The following PDLIM5 variants were observed in gnomAD, a reference collection of about 807,000 sequenced individuals.
The protein encoded by PDLIM5 is PDZ and LIM domain 5, also known as PDZ and LIM domain protein 5.
In PDLIM5, 34 loss-of-function variants were observed where a neutral mutation model predicts 64.2. The ratio of observed to expected loss-of-function variants is 0.53; its 90% confidence interval spans 0.40 to 0.71. PDLIM5 has a LOEUF of 0.71. Among genes scored for constraint, PDLIM5 ranks in the 30% least tolerant of loss-of-function variants. The pLI is 0.00. For synonymous variants in PDLIM5, 253 were observed against 269.1 expected, an observed-to-expected ratio of 0.94 and a Z score of 0.59; for missense variants, 683 against 733.6, an observed-to-expected ratio of 0.93 and a Z score of 0.80.
intron 7 of PDLIM5, among the ~76,000 whole-genome samples, chr4:94,588,390 C>T (rs546947340): frequency 6.6e-6 from 1 of 152,120 alleles, no homozygotes; most frequent in South Asian, 2.1e-4. Flanking sequence ...ATGGAGAAAC[C>T]CCATCTCTAC....
At chr4:94,627,757 A>G (rs1227895574) in intron 8 of PDLIM5, among the ~76,000 whole-genome samples, 1 of 152,234 alleles carries the variant, frequency 6.6e-6, no homozygotes, top group Non-Finnish European at 1.5e-5. Context: ...CTGGTTTTCA[A>G]ACGCATGAAT....
chr4:94,538,680 C>T (rs1223294682), intron 3 of PDLIM5, among the ~76,000 whole-genome samples: 1 of 152,162 alleles, frequency 6.6e-6, no homozygotes, highest in East Asian at 1.9e-4. Flanking sequence ...AATACCATAA[C>T]TATTAAAGAA....
At chr4:94,603,391 C>T (rs1489926051) in intron 7 of PDLIM5, among the ~76,000 whole-genome samples, 1 of 152,050 alleles carries the variant, frequency 6.6e-6, no homozygotes, top group Admixed American at 6.6e-5. Flanking sequence ...TAAGTTAGTG[C>T]TTATCATAGT....
rs1740902493 is a variant in PDLIM5 at position 94,640,393 on chromosome 4, A to T, written c.1226A>T (p.Glu409Val). 6.2e-7 allele frequency: 1 copy of T among 1,612,474 alleles called. No homozygotes were observed. Residue 409 changes from glutamate to valine, a missense_variant, in exon 9 of 13, where the codon GAG (glutamate) becomes GTG (valine). Transcript: ENST00000317968. ...SDQDTLVQRA[E>V]HIPAGKRTPM... ...CAGGACACTTTAGTGCAAAGAGCTG[A>T]GCACATTCCAGCAGGGAAACGAACT...
chr4:94,456,024 T>A, intron 2 of PDLIM5: 1 of 1,374,790 alleles, frequency 7.3e-7, no homozygotes, highest in East Asian at 2.5e-5. Flanking sequence ...ATAGCACTGA[T>A]GAGAGGAGTA....
At chr4:94,514,216 G>A (rs1002134572) in intron 2 of PDLIM5, among the ~76,000 whole-genome samples, 2 of 148,982 alleles carry the variant, frequency 1.3e-5, no homozygotes, top group African/African-American at 5.0e-5. Context: ...CTCACTGCAA[G>A]CTCTGCCTCC....
intron 2 of PDLIM5, among the ~76,000 whole-genome samples, chr4:94,475,902 A>T (rs1319648255): frequency 6.6e-6 from 1 of 152,196 alleles, no homozygotes; most frequent in Non-Finnish European, 1.5e-5. Context: ...ATTTCAAGAC[A>T]GTGTAAAGTT....
At chr4:94,463,362 A>G (rs190823822) in intron 2 of PDLIM5, among the ~76,000 whole-genome samples, 34 of 152,360 alleles carry the variant, frequency 2.2e-4, no homozygotes, top group African/African-American at 7.7e-4. Context: ...AGCCTTACCC[A>G]TAATATAAAC....
At chr4:94,560,866 A>G (rs1733777152) in intron 3 of PDLIM5, among the ~76,000 whole-genome samples, 1 of 152,074 alleles carries the variant, frequency 6.6e-6, no homozygotes, top group South Asian at 2.1e-4. Flanking sequence ...AGCTGGGACT[A>G]CAGTCGCCCG....
At chr4:94,611,271 C>G (rs954669116) in intron 7 of PDLIM5, 10 of 1,296,148 alleles carry the variant, frequency 7.7e-6, no homozygotes, top group Admixed American at 2.1e-5. Context: ...CACTCCACCA[C>G]TGTATTAACA....
At chr4:94,620,700 G>C (rs1194194507) in intron 8 of PDLIM5, among the ~76,000 whole-genome samples, 1 of 151,784 alleles carries the variant, frequency 6.6e-6, no homozygotes, top group Non-Finnish European at 1.5e-5. Flanking sequence ...ATTATTTTTA[G>C]AAAACGTTAT....
intron 5 of PDLIM5, among the ~76,000 whole-genome samples, chr4:94,583,438 A>C (rs1440300306): frequency 3.9e-5 from 6 of 152,182 alleles, no homozygotes; most frequent in African/African-American, 1.4e-4. Context: ...TTTAAGAGCA[A>C]ACTACACTCA....
chr4:94,642,395 C>A (rs559413063), intron 9 of PDLIM5, among the ~76,000 whole-genome samples: 2 of 152,278 alleles, frequency 1.3e-5, no homozygotes, highest in Admixed American at 1.3e-4. Flanking sequence ...GTAGAAATTA[C>A]ATTTCACCAC....
Position 94,575,884 on chromosome 4 carries a change from C to T in PDLIM5, c.560C>T (p.Ala187Val), listed in dbSNP as rs768789606. Residue 187 changes from alanine (A) to valine (V), a missense_variant, in exon 5 of 13, where the codon GCT (alanine) becomes GTT (valine). By Grantham distance (64) the Ala-to-Val change is moderately conservative (BLOSUM62 0). Transcript: ENST00000317968. ...CTGCATGCTAATGCCAATCTTAGTGCTGACCAGTCTCCATCTGCACTGAGC... is the reference window on the plus strand; with the variant it reads ...CTGCATGCTAATGCCAATCTTAGTGTTGACCAGTCTCCATCTGCACTGAGC... ...SGLHANANLS[A>V]DQSPSALSAG... 1.6e-5 allele frequency: 26 copies of T among 1,614,040 alleles called. No homozygotes were observed. The African/African-American group carries it at 3.1e-4, about 19-fold the overall frequency.
chr4:94,465,361 T>C (rs1724254297), intron 2 of PDLIM5, among the ~76,000 whole-genome samples: 1 of 152,194 alleles, frequency 6.6e-6, no homozygotes, highest in Non-Finnish European at 1.5e-5. Context: ...GATTATTTAA[T>C]TCTCATAACA....
intron 8 of PDLIM5, among the ~76,000 whole-genome samples, chr4:94,621,542 A>G (rs771839643): frequency 3.9e-4 from 60 of 152,364 alleles, no homozygotes; most frequent in Admixed American, 2.4e-3. Flanking sequence ...AAGAGAAGGC[A>G]CAAAGTATAT....
intron 2 of PDLIM5, among the ~76,000 whole-genome samples, chr4:94,500,843 A>T (rs1221043045): frequency 6.6e-6 from 1 of 151,884 alleles, no homozygotes; most frequent in Non-Finnish European, 1.5e-5. Context: ...GAGTGCAGTG[A>T]CGTGATCTTG....
chr4:94,455,481 T>TAG, intron 2 of PDLIM5, 97 bp downstream of exon 2: 2 of 809,330 alleles, frequency 2.5e-6, no homozygotes, highest in South Asian at 2.9e-5. Flanking sequence ...CTCTACTTAT[T>TAG]ATCATTGCTC....
At chr4:94,518,154 T>C (rs920638235) in intron 2 of PDLIM5, among the ~76,000 whole-genome samples, 1 of 152,192 alleles carries the variant, frequency 6.6e-6, no homozygotes, top group African/African-American at 2.4e-5. Flanking sequence ...AGGAGCTATA[T>C]TGAATGATCA....
Sources: gnomAD v4.1 joint callset for allele counts (sites outside exome capture counted in the v4.1 genomes callset) on GRCh38, gnomAD v4.1.1 for gene constraint, MANE v1.5 for transcripts, NCBI Gene and HGNC (gene_info 2026-07-23, HGNC 2026-07-21) for gene names.